DDX50: variants seen among roughly 807,000 people sequenced by gnomAD.
DDX50 encodes DExD-box helicase 50.
Under a neutral mutation model 94.8 loss-of-function variants are expected in DDX50, and 56 were observed. The ratio of observed to expected loss-of-function variants is 0.59; its 90% CI spans 0.48 to 0.74. The LOEUF is 0.74. Among genes scored for constraint, DDX50 ranks in the 30% least tolerant of loss-of-function variants. The pLI, the probability that DDX50 is intolerant of heterozygous loss-of-function variation, is 0.00. For missense variants in DDX50, 713 were observed against 881.2 expected, an observed-to-expected ratio of 0.81 and a Z score of 2.42; for synonymous variants, 264 against 295.4, an observed-to-expected ratio of 0.89 and a Z score of 1.09.
intron 13 of DDX50, among the ~76,000 whole-genome samples, chr10:68,941,834 T>A (rs1456911779): frequency 1.3e-5 from 2 of 152,168 alleles, no homozygotes; most frequent in Admixed American, 6.6e-5. Context: ...GAGATGGGGT[T>A]TCAGCATGTT....
chr10:68,931,016 G>A (rs1354811912), intron 8 of DDX50, among the ~76,000 whole-genome samples: 4 of 152,080 alleles, frequency 2.6e-5, no homozygotes, highest in Non-Finnish European at 5.9e-5. Context: ...TCAGTCCAAA[G>A]CATCACTTTT....
At chr10:68,912,647 G>C (rs1288750956) in intron 4 of DDX50, among the ~76,000 whole-genome samples, 1 of 152,224 alleles carries the variant, frequency 6.6e-6, no homozygotes, top group Non-Finnish European at 1.5e-5. Context: ...GAAAATGGTG[G>C]CATAATGCCA....
intron 1 of DDX50, among the ~76,000 whole-genome samples, chr10:68,902,692 C>T (rs1411785291): frequency 6.6e-6 from 1 of 152,090 alleles, no homozygotes; most frequent in Non-Finnish European, 1.5e-5. Context: ...ACTGAAGTTA[C>T]CTAGAGTGTA....
Position 68,901,526 on chromosome 10 carries a change from G to A in DDX50, c.87+55G>A, listed in dbSNP as rs1317614414. 2.6e-6 allele frequency: 4 copies of A among 1,526,244 alleles called. No homozygotes were observed. In the African/African-American group the frequency reaches 4.1e-5, roughly 16 times the overall value. 94.5% of individuals were successfully genotyped at this position (1,526,244 alleles called of 1,614,324 possible). ...TGGGCTGCGCCGGCTTGGGCGGGGAGGGGAACTGTCTGTCCCTGATGATGG... is the reference window on the plus strand; with the variant it reads ...TGGGCTGCGCCGGCTTGGGCGGGGAAGGGAACTGTCTGTCCCTGATGATGG... On this transcript the variant is annotated intron_variant, in intron 1 of 14. Coordinates refer to ENST00000373585, the MANE Select transcript of DDX50 (RefSeq NM_024045.2).
intron 1 of DDX50, chr10:68,906,467 C>T: frequency 2.6e-6 from 1 of 379,526 alleles, no homozygotes; most frequent in Non-Finnish European, 4.7e-6. Flanking sequence ...TTCCTTAAAT[C>T]TTATGATGGG....
intron 14 of DDX50, among the ~76,000 whole-genome samples, chr10:68,945,558 C>T (rs1203234738): frequency 6.6e-6 from 1 of 152,116 alleles, no homozygotes; most frequent in African/African-American, 2.4e-5. Flanking sequence ...CTGCCCGCCT[C>T]GGCCTCCCAA....
intron 8 of DDX50, among the ~76,000 whole-genome samples, chr10:68,931,601 C>G (rs996145697): frequency 4.6e-5 from 7 of 151,154 alleles, no homozygotes; most frequent in Non-Finnish European, 8.8e-5. Context: ...CCACCACACC[C>G]GGCTACTTTT....
chr10:68,911,155 C>T lies in DDX50; in HGVS notation c.548C>T (p.Thr183Ile), dbSNP rs769488444. Residue 183 changes from threonine to isoleucine, a missense_variant, in exon 4 of 15, where the codon ACA (threonine) becomes ATA (isoleucine). By Grantham distance (89) the Thr-to-Ile change is moderately conservative. Coordinates refer to ENST00000373585, the MANE Select transcript of DDX50 (RefSeq NM_024045.2). ...AAAGATTTAATAGCTCAAGCACGGA[C>T]AGGAACAGGAAAGACATTCTCTTTT... Reference protein sequence around the residue: ...EGKDLIAQARTGTGKTFSFAI... With the variant: ...EGKDLIAQARIGTGKTFSFAI... The T allele has an allele frequency of 6.2e-7, 1 of 1,612,724 alleles. No individual in the cohort carries two copies. The highest frequency in any genetic ancestry group is 1.1e-5 in the South Asian group (1 of 90,646).
At chr10:68,942,326 G>T (rs1274089226) in intron 13 of DDX50, among the ~76,000 whole-genome samples, 1 of 152,080 alleles carries the variant, frequency 6.6e-6, no homozygotes, top group East Asian at 1.9e-4. Context: ...TAACTTTACT[G>T]CATAGGTTCA....
Position 68,911,131 on chromosome 10 carries a change from A to G in DDX50, c.524A>G (p.Lys175Arg). The G allele has an allele frequency of 6.2e-7, 1 of 1,611,772 alleles. No individual in the cohort carries two copies. ...ACCTTTGGTCCTGTATATGAAGGAA[A>G]AGATTTAATAGCTCAAGCACGGACA... ...VKTFGPVYEG[K>R]DLIAQARTGT... The change falls in exon 4 of 15, where the codon AAA becomes AGA. Residue 175 changes from lysine to arginine, a missense_variant. Coordinates refer to ENST00000373585, the MANE Select transcript of DDX50 (RefSeq NM_024045.2).
chr10:68,940,083 C>T (rs893312652), intron 12 of DDX50, among the ~76,000 whole-genome samples: 9 of 152,120 alleles, frequency 5.9e-5, no homozygotes, highest in South Asian at 2.1e-4. Context: ...TTATGTAACA[C>T]TCCTTCAAAA....
rs1271589989 is a variant in DDX50, at chr10:68,906,960, TC to T, written c.338del (p.Ser113PhefsTer2). 1 of 1,595,060 alleles carries T rather than the reference TC, an allele frequency of 6.3e-7. No homozygotes were observed. Among genetic ancestry groups the T allele is most frequent in the African/African-American group, 1.4e-5 (1 of 73,388 alleles). ...TGAAAAAAAATCAAAGCGAGTATCATCTTTAGATACTTCTACTCATAAATCA... is the reference window on the plus strand; with the variant it reads ...TGAAAAAAAATCAAAGCGAGTATCATTTTAGATACTTCTACTCATAAATCA... Reference protein sequence around the residue: ...EYEKKSKRVSSLDTSTHKSSD... With the variant: ...EYEKKSKRVSXLDTSTHKSSD... On this transcript the variant is annotated frameshift_variant, in exon 2 of 15. Coordinates refer to ENST00000373585, the MANE Select transcript of DDX50 (RefSeq NM_024045.2). LOFTEE classifies it high-confidence loss of function.
chr10:68,911,009 A>C (rs1841609932), intron 3 of DDX50, 59 bp from the exon 4 acceptor site: 1 of 1,241,108 alleles, frequency 8.1e-7, no homozygotes, highest in African/African-American at 1.5e-5. Flanking sequence ...TTTCAAATGA[A>C]TATATTTTTT....
At chr10:68,940,056 GA>G (rs1842519612) in intron 12 of DDX50, among the ~76,000 whole-genome samples, 2 of 152,182 alleles carry the variant, frequency 1.3e-5, no homozygotes, top group African/African-American at 4.8e-5. Flanking sequence ...AAGCTTTACA[GA>G]ACAAATAATT....
At position 68,930,242 on chromosome 10, in the gene DDX50, T is replaced by C. The variant is rs2132049770; in HGVS notation, c.1240-3957T>C. On this transcript the variant is annotated intron_variant, in intron 8 of 14. Coordinates refer to ENST00000373585, the MANE Select transcript of DDX50 (RefSeq NM_024045.2). Reference sequence around the variant, plus strand: ...AAGCGATTCTCCTACCTCAGCCTCCTGAGTAGCTGGGATTACAGGTGCCTG... The same window carrying C: ...AAGCGATTCTCCTACCTCAGCCTCCCGAGTAGCTGGGATTACAGGTGCCTG... Among the ~76,000 whole-genome samples the C allele has an allele frequency of 1.3e-5, 2 of 149,900 alleles. 1 individual carries two copies. The highest frequency in any genetic ancestry group is 4.3e-4 in the South Asian group (2 of 4,656).
At chr10:68,924,677 A>G (rs950184859) in intron 8 of DDX50, among the ~76,000 whole-genome samples, 4 of 147,736 alleles carry the variant, frequency 2.7e-5, no homozygotes, top group African/African-American at 5.0e-5. Context: ...TAAAAAAAAA[A>G]GGTCTACTTT....
chr10:68,942,088 T>C (rs1353702445), intron 13 of DDX50, among the ~76,000 whole-genome samples: 3 of 152,272 alleles, frequency 2.0e-5, no homozygotes, highest in South Asian at 4.1e-4. Flanking sequence ...GCACCTGGCA[T>C]GTGTGTTTAT....
intron 12 of DDX50, among the ~76,000 whole-genome samples, chr10:68,939,181 A>G (rs1468970796): frequency 6.6e-6 from 1 of 152,202 alleles, no homozygotes; most frequent in Non-Finnish European, 1.5e-5. Flanking sequence ...GCCATATTGT[A>G]AAGGTGTATT....
intron 8 of DDX50, among the ~76,000 whole-genome samples, chr10:68,928,289 C>T (rs939463076): frequency 1.3e-5 from 2 of 152,044 alleles, no homozygotes; most frequent in African/African-American, 4.8e-5. Flanking sequence ...GCACTCCACC[C>T]TGGGCGACCG....
Sources: gnomAD v4.1 joint callset for allele counts (sites outside exome capture counted in the v4.1 genomes callset) on GRCh38, gnomAD v4.1.1 for gene constraint, MANE v1.5 for transcripts, NCBI Gene and HGNC (gene_info 2026-07-23, HGNC 2026-07-21) for gene names.